The following MGMT variants were observed in gnomAD, a reference collection of about 807,000 sequenced individuals.
MGMT encodes O-6-methylguanine-DNA methyltransferase, also known as methylated-DNA--protein-cysteine methyltransferase.
A neutral mutation model predicts 15.9 loss-of-function variants in MGMT; 14 were observed. The ratio of observed to expected loss-of-function variants is 0.88; its 90% CI spans 0.58 to 1.37. The LOEUF (loss-of-function observed/expected upper bound fraction) is 1.37, where lower values mean the gene tolerates loss of function less well. Ranked by LOEUF, MGMT falls within the 40% of genes most tolerant of loss-of-function variation. MGMT has a pLI of 0.00. For synonymous variants in MGMT, 130 were observed against 118.2 expected, an observed-to-expected ratio of 1.10 and a Z score of -0.65; for missense variants, 282 against 268.1, an observed-to-expected ratio of 1.05 and a Z score of -0.36.
At chr10:129,596,748 A>G (rs749357354) in intron 2 of MGMT, among the ~76,000 whole-genome samples, 7 of 152,252 alleles carry the variant, frequency 4.6e-5, no homozygotes, top group Non-Finnish European at 1.0e-4. Flanking sequence ...ATACTAGGAC[A>G]GCTAGGTCGT....
At chr10:129,541,730 G>T (rs1371584753) in intron 2 of MGMT, among the ~76,000 whole-genome samples, 1 of 152,192 alleles carries the variant, frequency 6.6e-6, no homozygotes, top group Non-Finnish European at 1.5e-5. Context: ...AAAGCTGATA[G>T]AGTCCAATTG....
chr10:129,735,022 C>T (rs1007419815), intron 3 of MGMT, among the ~76,000 whole-genome samples: 2 of 152,040 alleles, frequency 1.3e-5, no homozygotes, highest in African/African-American at 4.8e-5. Flanking sequence ...CTAAAATTCT[C>T]TTTTTTGGTT....
chr10:129,474,811 C>T (rs1012650731), intron 1 of MGMT, among the ~76,000 whole-genome samples: 4 of 152,168 alleles, frequency 2.6e-5, no homozygotes, highest in Non-Finnish European at 5.9e-5. Context: ...TGGGCTGGTG[C>T]GGCTGAGTGT....
chr10:129,708,160 CAG>C, intron 3 of MGMT, 117 bp downstream of exon 3: 2 of 1,384,910 alleles, frequency 1.4e-6, no homozygotes, highest in Non-Finnish European at 1.9e-6. Flanking sequence ...ATCAGCTAAA[CAG>C]AGGCAGCGTT....
chr10:129,691,554 A>G (rs1257251309), intron 2 of MGMT, among the ~76,000 whole-genome samples: 1 of 152,196 alleles, frequency 6.6e-6, no homozygotes, highest in Non-Finnish European at 1.5e-5. Context: ...GGTTTCAAAT[A>G]ACATCATGGA....
At chr10:129,524,381 G>A (rs890476260) in intron 1 of MGMT, among the ~76,000 whole-genome samples, 2 of 152,104 alleles carry the variant, frequency 1.3e-5, no homozygotes, top group Admixed American at 1.3e-4. Context: ...GCCTGTGGAC[G>A]TGTCTCCCAG....
chr10:129,510,023 G>A (rs1845664367), intron 1 of MGMT, among the ~76,000 whole-genome samples: 1 of 152,228 alleles, frequency 6.6e-6, no homozygotes, highest in African/African-American at 2.4e-5. Context: ...GATGCACAGT[G>A]TCCATCTGGG....
intron 2 of MGMT, among the ~76,000 whole-genome samples, chr10:129,649,938 TTC>T (rs1402786488): frequency 2.0e-5 from 3 of 152,248 alleles, no homozygotes; most frequent in African/African-American, 7.2e-5. Context: ...TGTATTTTTT[TTC>T]TTCTTTGCAT....
chr10:129,741,825 T>C (rs1427854414), intron 3 of MGMT, among the ~76,000 whole-genome samples: 2 of 152,138 alleles, frequency 1.3e-5, no homozygotes, highest in Admixed American at 6.5e-5. Context: ...CAGACAGAGA[T>C]GACCCAAAGC....
chr10:129,753,397 A>G (rs1229307711), intron 3 of MGMT, among the ~76,000 whole-genome samples: 2 of 152,100 alleles, frequency 1.3e-5, no homozygotes, highest in African/African-American at 2.4e-5. Context: ...GCTATCGTTT[A>G]TTTGAATTTT....
intron 1 of MGMT, among the ~76,000 whole-genome samples, chr10:129,501,584 A>G (rs1391727846): frequency 6.6e-6 from 1 of 152,046 alleles, no homozygotes; most frequent in Non-Finnish European, 1.5e-5. Context: ...TAAGTCAGTC[A>G]TTTACCTCCC....
At position 129,618,376 on chromosome 10, in the gene MGMT, C is replaced by T. The variant is rs12570784; in HGVS notation, c.125+81999C>T. ...TGTTCTATCCATTTTTCTGCTTGTC[C>T]TCATGCCAACATGGCCCCGACTTCA... On this transcript the variant is annotated intron_variant, in intron 2 of 4. Coordinates refer to ENST00000651593, the MANE Select transcript of MGMT (RefSeq NM_002412.5). Among the ~76,000 whole-genome samples, 110 of 152,094 alleles carry T rather than the reference C, an allele frequency of 7.2e-4. 3 individuals carry two copies. In the East Asian group the frequency reaches 0.02, roughly 28 times the overall value.
chr10:129,678,198 C>T (rs1375991151), intron 2 of MGMT, among the ~76,000 whole-genome samples: 1 of 152,082 alleles, frequency 6.6e-6, no homozygotes, highest in Non-Finnish European at 1.5e-5. Flanking sequence ...ACTTTGGGGC[C>T]CCTGTTTTGG....
intron 2 of MGMT, among the ~76,000 whole-genome samples, chr10:129,645,727 C>T (rs866081504): frequency 4.6e-5 from 7 of 152,314 alleles, no homozygotes; most frequent in Middle Eastern, 3.4e-3. Context: ...CTTGTGGACA[C>T]GTTCTTTCTC....
chr10:129,470,911 T>A (rs1422982787), intron 1 of MGMT, among the ~76,000 whole-genome samples: 2 of 152,210 alleles, frequency 1.3e-5, no homozygotes, highest in Non-Finnish European at 2.9e-5. Context: ...ATAGTGTGTG[T>A]AACCATGAAA....
chr10:129,719,398 A>G (rs113936912), intron 3 of MGMT, among the ~76,000 whole-genome samples: 36 of 152,330 alleles, frequency 2.4e-4, no homozygotes, highest in African/African-American at 6.0e-4. Flanking sequence ...TAGCCTTTGT[A>G]TTGATCTGTG....
intron 2 of MGMT, among the ~76,000 whole-genome samples, chr10:129,596,011 A>C (rs922910686): frequency 2.0e-5 from 3 of 152,178 alleles, no homozygotes; most frequent in Non-Finnish European, 4.4e-5. Context: ...GTTCAGCTGC[A>C]CAAAGAAGAG....
At chr10:129,531,778 G>A (rs894866201) in intron 1 of MGMT, among the ~76,000 whole-genome samples, 2 of 137,202 alleles carry the variant, frequency 1.5e-5, no homozygotes, top group Non-Finnish European at 3.2e-5. Context: ...GCGGGGGCTG[G>A]TGGGGGTGGG....
chr10:129,551,702 T>G (rs1846158919), intron 2 of MGMT, among the ~76,000 whole-genome samples: 1 of 152,198 alleles, frequency 6.6e-6, no homozygotes. Flanking sequence ...TCTTATTTAT[T>G]TATTTACCAG....
Sources: gnomAD v4.1 joint callset for allele counts (sites outside exome capture counted in the v4.1 genomes callset) on GRCh38, gnomAD v4.1.1 for gene constraint, MANE v1.5 for transcripts, NCBI Gene and HGNC (gene_info 2026-07-23, HGNC 2026-07-21) for gene names.